CLEC5A: variants seen among roughly 807,000 people sequenced by gnomAD.
The protein encoded by CLEC5A is C-type lectin domain containing 5A.
CLEC5A carries 15 observed loss-of-function variants against 24.4 expected under a neutral mutation model. The ratio of observed to expected loss-of-function variants is 0.62; its 90% CI spans 0.41 to 0.95. CLEC5A has a LOEUF of 0.95. CLEC5A is among the 40% of genes least tolerant of loss of function. The pLI, the probability that CLEC5A is intolerant of heterozygous loss-of-function variation, is 0.00. For missense variants in CLEC5A, 211 were observed against 224.0 expected (o/e 0.94, Z 0.37); for synonymous variants, 71 against 72.6 (o/e 0.98, Z 0.11).
At chr7:141,938,178 A>T (rs1200959680) in intron 4 of CLEC5A, among the ~76,000 whole-genome samples, 2 of 152,216 alleles carry the variant, frequency 1.3e-5, no homozygotes, top group African/African-American at 2.4e-5. Flanking sequence ...GAGGTAAATA[A>T]GGCACCAGGG....
Position 141,930,008 on chromosome 7 carries a change from G to A in CLEC5A, c.*96C>T. ...TCCCAAATGGGCAAGGACCGCTACT[G>A]GTAGACAGATAGGTAAGTAAAAGAA... On this transcript the variant is annotated 3_prime_UTR_variant, in exon 7 of 7. Transcript: ENST00000546910. 1 of 932,060 alleles carries A rather than the reference G, an allele frequency of 1.1e-6. No individual in the cohort carries two copies. 57.7% of individuals were successfully genotyped at this position (932,060 alleles called of 1,614,324 possible). A position where few individuals can be genotyped will look rare whatever the true frequency, so the allele number is the denominator to read the frequency against.
chr7:141,945,890 T>C (rs13226656), intron 2 of CLEC5A: 7 of 340,738 alleles, frequency 2.1e-5, no homozygotes, highest in Non-Finnish European at 3.2e-5. Context: ...GAGCTGTATT[T>C]TAGATTTTGC....
chr7:141,931,533 T>G (rs1286970926), intron 6 of CLEC5A, 187 bp downstream of exon 6: 4 of 548,288 alleles, frequency 7.3e-6, no homozygotes, highest in Non-Finnish European at 1.3e-5. Flanking sequence ...TATGAAAGTT[T>G]GATCTCTTTC....
chr7:141,946,131 T>C (rs773454175), intron 2 of CLEC5A, 83 bp downstream of exon 2: 8 of 1,448,604 alleles, frequency 5.5e-6, no homozygotes, highest in Non-Finnish European at 6.6e-6. Flanking sequence ...ATGTAACCTT[T>C]ACACACAACC....
chr7:141,934,529 G>C (rs984571259), intron 5 of CLEC5A, among the ~76,000 whole-genome samples: 12 of 151,612 alleles, frequency 7.9e-5, no homozygotes, highest in African/African-American at 2.9e-4. Context: ...TATACTTGTT[G>C]GGAGGAGAAG....
At position 141,946,244 on chromosome 7, in the gene CLEC5A, C is replaced by T. The variant is rs1802951972; in HGVS notation, c.49G>A (p.Val17Ile). 1 of 1,571,270 alleles carries T rather than the reference C, an allele frequency of 6.4e-7. No individual in the cohort carries two copies. The highest frequency in any genetic ancestry group is 1.9e-5 in the Admixed American group (1 of 52,862). ...AGTAGAAATAAGGTCATTCCAACAA[C>T]TTTAAGCACTACCACAATAAGCCCA... ...ISGLIVVVLK[V>I]VGMTLFLLYF... Residue 17 changes from valine (V) to isoleucine (I), a missense_variant, in exon 2 of 7, where the codon GTT (valine) becomes ATT (isoleucine). Physicochemically the swap from Val to Ile is conservative, Grantham distance 29. Transcript: ENST00000546910.
rs1307964420 is a variant in CLEC5A, at chr7:141,928,956, A to G, written c.*1148T>C. Reference sequence around the variant, plus strand: ...CTGATGTCTTGTGAGTGTGGAGAACAGCCAGGGTACTCCAAGACTTGTCTT... The same window carrying G: ...CTGATGTCTTGTGAGTGTGGAGAACGGCCAGGGTACTCCAAGACTTGTCTT... On this transcript the variant is annotated 3_prime_UTR_variant, in exon 7 of 7. Coordinates refer to ENST00000546910, the MANE Select transcript of CLEC5A (RefSeq NM_013252.3). 1 of 152,190 alleles carries G rather than the reference A, an allele frequency of 6.6e-6. No homozygotes were observed. Among genetic ancestry groups the G allele is most frequent in the African/African-American group, 2.4e-5 (1 of 41,432 alleles). The allele number at this position is 152,190 out of a possible 1,614,324, so 9.4% of individuals were successfully genotyped here. A position where few individuals can be genotyped will look rare whatever the true frequency, so the allele number is the denominator to read the frequency against.
intron 4 of CLEC5A, among the ~76,000 whole-genome samples, chr7:141,940,032 G>A (rs1331443346): frequency 6.6e-6 from 1 of 152,142 alleles, no homozygotes; most frequent in Non-Finnish European, 1.5e-5. Flanking sequence ...CGATCTTTCA[G>A]TTGGAAAATC....
At chr7:141,943,692 C>A (rs572535899) in intron 4 of CLEC5A, among the ~76,000 whole-genome samples, 1 of 151,932 alleles carries the variant, frequency 6.6e-6, no homozygotes, top group South Asian at 2.1e-4. Flanking sequence ...TCATGTAACT[C>A]ATGAATATAT....
intron 4 of CLEC5A, among the ~76,000 whole-genome samples, chr7:141,939,909 C>T (rs145902963): frequency 6.6e-6 from 1 of 152,108 alleles, no homozygotes; most frequent in African/African-American, 2.4e-5. Context: ...ATATATGCAT[C>T]CAATACTGGC....
At chr7:141,943,683 C>T (rs1802863714) in intron 4 of CLEC5A, among the ~76,000 whole-genome samples, 1 of 151,830 alleles carries the variant, frequency 6.6e-6, no homozygotes, top group Non-Finnish European at 1.5e-5. Context: ...CAATATATAT[C>T]ATGTAACTCA....
chr7:141,936,499 A>G (rs1435478059), intron 4 of CLEC5A, among the ~76,000 whole-genome samples: 5 of 152,192 alleles, frequency 3.3e-5, no homozygotes, highest in African/African-American at 1.2e-4. Context: ...CCATGGAGGA[A>G]GCATTTAGAT....
At chr7:141,936,577 T>G (rs1802636686) in intron 4 of CLEC5A, among the ~76,000 whole-genome samples, 1 of 152,138 alleles carries the variant, frequency 6.6e-6, no homozygotes, top group Non-Finnish European at 1.5e-5. Flanking sequence ...GCCTCGCCAC[T>G]GTGAGCTGAA....
chr7:141,938,630 A>G (rs1192023397), intron 4 of CLEC5A, among the ~76,000 whole-genome samples: 1 of 152,232 alleles, frequency 6.6e-6, no homozygotes. Flanking sequence ...ATCCAAGTAC[A>G]AGAAGGTTAT....
At chr7:141,936,547 T>C (rs955569516) in intron 4 of CLEC5A, among the ~76,000 whole-genome samples, 7 of 152,134 alleles carry the variant, frequency 4.6e-5, no homozygotes, top group Non-Finnish European at 8.8e-5. Flanking sequence ...TCCCAGTGGT[T>C]GAAACCTGAG....
At chr7:141,943,067 T>C (rs971255873) in intron 4 of CLEC5A, among the ~76,000 whole-genome samples, 7 of 152,116 alleles carry the variant, frequency 4.6e-5, no homozygotes, top group African/African-American at 1.7e-4. Context: ...GCAATTACAC[T>C]CTTAAGTATA....
intron 4 of CLEC5A, among the ~76,000 whole-genome samples, chr7:141,940,447 A>G (rs1303691597): frequency 6.6e-6 from 1 of 151,792 alleles, no homozygotes; most frequent in Non-Finnish European, 1.5e-5. Flanking sequence ...GTTTATACCT[A>G]TAAGTGCCTG....
chr7:141,944,356 G>A (rs988266210), intron 3 of CLEC5A, among the ~76,000 whole-genome samples: 4 of 152,184 alleles, frequency 2.6e-5, no homozygotes, highest in Non-Finnish European at 5.9e-5. Context: ...GCTCCACACA[G>A]CATCTTTGCT....
chr7:141,932,349 G>T (rs1333267148), intron 5 of CLEC5A, among the ~76,000 whole-genome samples: 1 of 152,242 alleles, frequency 6.6e-6, no homozygotes, highest in Non-Finnish European at 1.5e-5. Flanking sequence ...TTTTAAAAGT[G>T]TAATCCAAGA....
Sources: gnomAD v4.1 joint callset for allele counts (sites outside exome capture counted in the v4.1 genomes callset) on GRCh38, gnomAD v4.1.1 for gene constraint, MANE v1.5 for transcripts, NCBI Gene and HGNC (gene_info 2026-07-23, HGNC 2026-07-21) for gene names.